The following EYS variants were observed in gnomAD, a reference collection of about 807,000 sequenced individuals.
EYS encodes EGF-like photoreceptor maintenance factor, also known as protein eyes shut homolog.
In EYS, 250 loss-of-function variants were observed where a neutral mutation model predicts 282.1. The observed-to-expected ratio is 0.89, with a 90% confidence interval of 0.80 to 0.98. The LOEUF is 0.98. EYS is among the 50% of genes least tolerant of loss of function. EYS has a pLI of 0.00. For missense variants in EYS, 4,016 were observed against 3,709.0 expected (o/e 1.08, Z -2.15); for synonymous variants, 1,355 against 1,282.9 (o/e 1.06, Z -1.20).
intron 1 of EYS, among the ~76,000 whole-genome samples, chr6:65,694,945 T>A (rs1439628300): frequency 6.6e-6 from 1 of 151,892 alleles, no homozygotes; most frequent in Non-Finnish European, 1.5e-5. Context: ...GAGAGAAAAT[T>A]CCTTAATCTC....
At chr6:65,344,254 T>C in intron 9 of EYS, 77 bp from the exon 10 acceptor site, 1 of 1,176,658 alleles carries the variant, frequency 8.5e-7, no homozygotes. Context: ...AGGACTGTGG[T>C]CAAATTACTT....
At chr6:63,876,089 G>A (rs1296110765) in intron 35 of EYS, among the ~76,000 whole-genome samples, 1 of 152,116 alleles carries the variant, frequency 6.6e-6, no homozygotes, top group East Asian at 1.9e-4. Flanking sequence ...GATCTTTCCT[G>A]CTTTCTCTTG....
At chr6:64,235,167 C>T (rs1488661836) in intron 30 of EYS, among the ~76,000 whole-genome samples, 2 of 150,934 alleles carry the variant, frequency 1.3e-5, no homozygotes, top group Admixed American at 6.6e-5. Context: ...TATACATGTG[C>T]CATGCTGGTG....
chr6:63,854,698 A>G (rs920332018), intron 36 of EYS, among the ~76,000 whole-genome samples: 5 of 152,210 alleles, frequency 3.3e-5, no homozygotes, highest in African/African-American at 7.2e-5. Context: ...TAAATTATGT[A>G]TATAATATAT....
chr6:65,064,487 TATATA>T (rs1233474308), intron 12 of EYS, among the ~76,000 whole-genome samples: 2 of 146,634 alleles, frequency 1.4e-5, no homozygotes, highest in South Asian at 2.1e-4. Context: ...ATATATAGTA[TATATA>T]ATATATAATA....
chr6:64,323,815 G>A (rs1770306187), intron 29 of EYS, among the ~76,000 whole-genome samples: 1 of 152,066 alleles, frequency 6.6e-6, no homozygotes, highest in African/African-American at 2.4e-5. Flanking sequence ...GGAGTGTGCA[G>A]TAGATGCCGT....
At chr6:65,640,298 G>A (rs1277231817) in intron 1 of EYS, among the ~76,000 whole-genome samples, 1 of 152,058 alleles carries the variant, frequency 6.6e-6, no homozygotes, top group Non-Finnish European at 1.5e-5. Context: ...TCCATGAAAG[G>A]GCTTCAACTT....
rs532517216 is a variant in EYS at position 65,187,218 on chromosome 6, A to T, written c.2023+108645T>A. ...TAGAACTTATGTGATTTCTTAGTAT[A>T]GTTTTTTGGTTTTATATTTTGAGTA... On this transcript the variant is annotated intron_variant, in intron 12 of 42. Transcript: ENST00000503581. 2.0e-5 allele frequency among the ~76,000 whole-genome samples: 3 copies of T among 151,896 alleles called. No individual in the cohort carries two copies. In the South Asian group the frequency reaches 6.2e-4, roughly 31 times the overall value.
chr6:63,845,705 G>T (rs899777574), intron 36 of EYS, among the ~76,000 whole-genome samples: 1 of 152,076 alleles, frequency 6.6e-6, no homozygotes, highest in African/African-American at 2.4e-5. Context: ...GTTATAATTA[G>T]ACTTCACTTA....
intron 5 of EYS, among the ~76,000 whole-genome samples, chr6:65,445,212 A>G (rs1768607322): frequency 6.6e-6 from 1 of 151,890 alleles, no homozygotes; most frequent in Non-Finnish European, 1.5e-5. Context: ...TCATCAATCC[A>G]CCATGATTGA....
chr6:64,204,660 A>G (rs1424921949), intron 31 of EYS, among the ~76,000 whole-genome samples: 1 of 152,180 alleles, frequency 6.6e-6, no homozygotes. Context: ...AACATAGAAA[A>G]TAATAGCAAA....
At chr6:65,467,599 T>G (rs1765051334) in intron 5 of EYS, among the ~76,000 whole-genome samples, 2 of 152,010 alleles carry the variant, frequency 1.3e-5, no homozygotes, top group Admixed American at 6.6e-5. Flanking sequence ...TCTGAATAAA[T>G]GAAGAGATAT....
rs538181596 is a variant in EYS, at chr6:65,224,622, G to T, written c.2023+71241C>A. Among the ~76,000 whole-genome samples the T allele has an allele frequency of 1.2e-4, 19 of 152,146 alleles. 1 individual carries two copies. Among genetic ancestry groups the T allele is most frequent in the Middle Eastern group, 3.4e-3 (1 of 294 alleles). ...AGAGAATCAACAAAACTAAAAGTTG[G>T]TTCTTTGAATTGACAAACCTTTAGC... On this transcript the variant is annotated intron_variant, in intron 12 of 42. Transcript: ENST00000503581.
At chr6:65,010,646 C>A (rs1374470511) in intron 13 of EYS, among the ~76,000 whole-genome samples, 1 of 152,194 alleles carries the variant, frequency 6.6e-6, no homozygotes, top group East Asian at 1.9e-4. Context: ...TAATGGAATA[C>A]TTGAAAGTAA....
At chr6:64,349,367 A>G (rs1037817108) in intron 29 of EYS, among the ~76,000 whole-genome samples, 2 of 151,306 alleles carry the variant, frequency 1.3e-5, no homozygotes, top group Non-Finnish European at 3.0e-5. Context: ...TGCTAATTGT[A>G]TCAACTCCTA....
chr6:64,112,999 T>C (rs2150267667), intron 31 of EYS, among the ~76,000 whole-genome samples: 1 of 152,098 alleles, frequency 6.6e-6, no homozygotes, highest in Middle Eastern at 3.4e-3. Context: ...TCTGTAATTA[T>C]AAATTAAATT....
chr6:65,499,838 A>G (rs984618508), intron 2 of EYS, among the ~76,000 whole-genome samples: 7 of 151,886 alleles, frequency 4.6e-5, no homozygotes, highest in African/African-American at 1.4e-4. Context: ...ATATTTTTTA[A>G]GGGAGTAGTG....
intron 26 of EYS, among the ~76,000 whole-genome samples, chr6:64,536,397 G>A (rs1764519527): frequency 1.3e-5 from 2 of 152,152 alleles, no homozygotes; most frequent in Non-Finnish European, 2.9e-5. Flanking sequence ...CATTTATTCA[G>A]TGATGGTAAC....
At chr6:65,067,916 G>T (rs1010797259) in intron 12 of EYS, among the ~76,000 whole-genome samples, 1 of 152,074 alleles carries the variant, frequency 6.6e-6, no homozygotes, top group African/African-American at 2.4e-5. Flanking sequence ...GCTTATTAAA[G>T]AGGCAGATAT....
Sources: gnomAD v4.1 joint callset for allele counts (sites outside exome capture counted in the v4.1 genomes callset) on GRCh38, gnomAD v4.1.1 for gene constraint, MANE v1.5 for transcripts, NCBI Gene and HGNC (gene_info 2026-07-23, HGNC 2026-07-21) for gene names.